MAEL: variants seen among roughly 807,000 people sequenced by gnomAD.
MAEL encodes the protein maelstrom spermatogenic transposon silencer.
In MAEL, 46 loss-of-function variants were observed where a neutral mutation model predicts 62.0. The observed-to-expected ratio is 0.74, with a 90% CI of 0.59 to 0.95. The LOEUF is 0.95. Ranked by LOEUF, MAEL falls within the 40% of genes least tolerant of loss-of-function variation. MAEL has a pLI of 0.00. For synonymous variants in MAEL, 172 were observed against 175.5 expected (o/e 0.98, Z 0.16); for missense variants, 497 against 526.8 (o/e 0.94, Z 0.55).
intron 1 of MAEL, among the ~76,000 whole-genome samples, chr1:166,981,844 T>C (rs7550698): frequency 0.31 from 46,626 of 151,994 alleles, 8,463 homozygotes; most frequent in African/African-American, 0.52. Flanking sequence ...GATAGCAGAT[T>C]TGGATGTAAT....
intron 8 of MAEL, among the ~76,000 whole-genome samples, chr1:167,011,857 A>G (rs1196699906): frequency 1.3e-5 from 2 of 152,184 alleles, no homozygotes; most frequent in African/African-American, 2.4e-5. Context: ...TGTCAAGAAA[A>G]TGTGTTTTAT....
intron 5 of MAEL, among the ~76,000 whole-genome samples, chr1:166,997,713 T>G (rs1336288638): frequency 6.6e-6 from 1 of 152,214 alleles, no homozygotes; most frequent in Non-Finnish European, 1.5e-5. Flanking sequence ...CTTGTTTTTA[T>G]TTTTAATTTG....
At position 166,984,001 on chromosome 1, in the gene MAEL, C is replaced by CAAA. The variant is rs5778528; in HGVS notation, c.-120-5384_-120-5382dup. Among the ~76,000 whole-genome samples the CAAA allele has an allele frequency of 8.3e-3, 975 of 117,638 alleles. 8 individuals are homozygous for CAAA. The highest frequency in any genetic ancestry group is 0.024 in the African/African-American group (763 of 31,488). 77.2% of individuals were successfully genotyped at this position (117,638 alleles called of 152,430 possible). A position where few individuals can be genotyped will look rare whatever the true frequency, so the allele number is the denominator to read the frequency against. On this transcript the variant is annotated intron_variant, in intron 1 of 12. Coordinates refer to the MAEL transcript ENST00000622874. Reference sequence around the variant, plus strand: ...TGGTTGACAGAATGAGATCCTGTCTCAAAAAAAAAAAAAAAAAATGGACCT... The same window carrying CAAA: ...TGGTTGACAGAATGAGATCCTGTCTCAAAAAAAAAAAAAAAAAAAAATGGACCT...
chr1:167,009,521 A>G (rs1036473553), intron 8 of MAEL, among the ~76,000 whole-genome samples: 2 of 151,156 alleles, frequency 1.3e-5, no homozygotes, highest in African/African-American at 4.9e-5. Context: ...CTGAGTTTAT[A>G]TGCAGGTCCA....
chr1:166,994,123 T>A, intron 5 of MAEL, 54 bp downstream of exon 5: 1 of 1,443,994 alleles, frequency 6.9e-7, no homozygotes, highest in South Asian at 1.2e-5. Flanking sequence ...TCATACCTGG[T>A]TAGACTTATT....
Position 167,010,098 on chromosome 1 carries a change from G to A in MAEL, c.845+4701G>A, listed in dbSNP as rs550739527. On this transcript the variant is annotated intron_variant, in intron 8 of 11. Transcript: ENST00000367872. Reference sequence around the variant, plus strand: ...CAGGTGGAGGTAACTGGATCATGGCGGTTCCCCCATGCTGTTCTCATGAGA... The same window carrying A: ...CAGGTGGAGGTAACTGGATCATGGCAGTTCCCCCATGCTGTTCTCATGAGA... Among the ~76,000 whole-genome samples, 4 of 152,216 alleles carry A rather than the reference G, an allele frequency of 2.6e-5. No homozygotes were observed. The East Asian group carries it at 5.8e-4, about 22-fold the overall frequency.
Position 166,989,313 on chromosome 1 carries a change from C to G in MAEL, c.-40C>G, listed in dbSNP as rs191751530. 42 of 1,595,164 alleles carry G rather than the reference C, an allele frequency of 2.6e-5. No homozygotes were observed. The East Asian group carries it at 8.1e-4, about 31-fold the overall frequency. ...CGGGAGCCCGGCGAGGGCGCCGGTG[C>G]TTTGTTCTGTCTGAGGCCAGGAAGT... On this transcript the variant is annotated 5_prime_UTR_variant, in exon 1 of 12. Coordinates refer to ENST00000367872, the MANE Select transcript of MAEL (RefSeq NM_032858.3).
chr1:166,985,707 T>C (rs1440807696), upstream of MAEL, among the ~76,000 whole-genome samples: 1 of 152,320 alleles, frequency 6.6e-6, no homozygotes, highest in Non-Finnish European at 1.5e-5. Flanking sequence ...CAAAAATGTT[T>C]ATAAGAATAT....
rs199628429 is a variant in MAEL, at chr1:166,989,308, C to T, written c.-45C>T. 1.1e-4 allele frequency: 180 copies of T among 1,584,736 alleles called. No homozygotes were observed. The East Asian group carries it at 1.3e-3, about 11-fold the overall frequency. On this transcript the variant is annotated 5_prime_UTR_variant, in exon 1 of 12. Coordinates refer to ENST00000367872, the MANE Select transcript of MAEL (RefSeq NM_032858.3). The stretch of plus-strand genomic sequence containing the variant: ...TAGGGCGGGAGCCCGGCGAGGGCGC[C>T]GGTGCTTTGTTCTGTCTGAGGCCAG...
At chr1:167,003,750 C>CT (rs1485214159) in intron 5 of MAEL, among the ~76,000 whole-genome samples, 1 of 152,080 alleles carries the variant, frequency 6.6e-6, no homozygotes, top group Non-Finnish European at 1.5e-5. Context: ...ATTACTTGGT[C>CT]TTTTTTTCAT....
At chr1:167,021,426 G>C (rs72689340) in intron 11 of MAEL, among the ~76,000 whole-genome samples, 4 of 152,204 alleles carry the variant, frequency 2.6e-5, no homozygotes, top group Non-Finnish European at 4.4e-5. Flanking sequence ...TAGCTTTATA[G>C]TTTTGATTTT....
At position 167,005,355 on chromosome 1, in the gene MAEL, GCCT is replaced by G; in HGVS notation, c.807_809del (p.Leu270del). The G allele has an allele frequency of 6.2e-7, 1 of 1,613,632 alleles. No individual in the cohort carries two copies. The highest frequency in any genetic ancestry group is 1.1e-5 in the South Asian group (1 of 91,044). ...GAGCCCTCTAAGACTTGGATTCGAAGCCTCCTAGATGTGGCCATGTGGGATTAT... is the reference window on the plus strand; with the variant it reads ...GAGCCCTCTAAGACTTGGATTCGAAGCCTAGATGTGGCCATGTGGGATTAT... On this transcript the variant is annotated inframe_deletion, in exon 8 of 12. Transcript: ENST00000367872.
At chr1:167,020,762 C>T (rs1295055179) in intron 10 of MAEL, among the ~76,000 whole-genome samples, 1 of 152,046 alleles carries the variant, frequency 6.6e-6, no homozygotes, top group Non-Finnish European at 1.5e-5. Flanking sequence ...ATTTCCTTCC[C>T]TTACCACTCA....
chr1:166,989,526 G>A (rs1164972201), intron 1 of MAEL, 42 bp downstream of exon 1: 1 of 1,568,230 alleles, frequency 6.4e-7, no homozygotes, highest in Non-Finnish European at 8.7e-7. Flanking sequence ...AGGGCAGTTG[G>A]GCAAGCCGGA....
At chr1:167,017,749 G>A in intron 9 of MAEL, 78 bp from the exon 10 acceptor site, 1 of 1,377,986 alleles carries the variant, frequency 7.3e-7, no homozygotes, top group Non-Finnish European at 9.8e-7. Flanking sequence ...CTTTCTTTTT[G>A]TTAGAGATTT....
At chr1:167,009,000 A>G (rs1264477812) in intron 8 of MAEL, among the ~76,000 whole-genome samples, 1 of 152,080 alleles carries the variant, frequency 6.6e-6, no homozygotes, top group Non-Finnish European at 1.5e-5. Context: ...CTCTTGGCAT[A>G]TGAGAATATA....
intron 8 of MAEL, among the ~76,000 whole-genome samples, chr1:167,010,667 C>T (rs375798718): frequency 2.6e-5 from 4 of 152,156 alleles, no homozygotes; most frequent in African/African-American, 9.6e-5. Flanking sequence ...AGGCTGGTGT[C>T]GAACTTCTGG....
At chr1:166,993,559 A>G (rs995223720) in intron 4 of MAEL, among the ~76,000 whole-genome samples, 1 of 152,200 alleles carries the variant, frequency 6.6e-6, no homozygotes, top group Non-Finnish European at 1.5e-5. Flanking sequence ...TTTTTAGATG[A>G]CAGAAAAGCT....
upstream of MAEL, among the ~76,000 whole-genome samples, chr1:166,988,874 C>G (rs1309945966): frequency 6.6e-6 from 1 of 152,132 alleles, no homozygotes; most frequent in East Asian, 1.9e-4. Flanking sequence ...TCCCCTCATT[C>G]GATTGTAAAC....
Sources: allele counts gnomAD v4.1 joint callset (sites outside exome capture counted in the v4.1 genomes callset), GRCh38; gene constraint gnomAD v4.1.1; transcripts MANE v1.5; gene names NCBI Gene and HGNC (gene_info 2026-07-23, HGNC 2026-07-21).